Variants in PPP4R4 observed in about 807,000 individuals in gnomAD.
PPP4R4 encodes the protein protein phosphatase 4 regulatory subunit 4.
Under a neutral mutation model 121.8 loss-of-function variants are expected in PPP4R4, and 70 were observed. The ratio of observed to expected loss-of-function variants is 0.57; its 90% CI spans 0.47 to 0.70. The LOEUF is 0.70. Ranked by LOEUF, PPP4R4 falls within the 30% of genes least tolerant of loss-of-function variation. The probability of loss-of-function intolerance (pLI) is 0.00; values close to 1 mark genes in which losing one functional copy is unlikely to be tolerated. For synonymous variants in PPP4R4, 348 were observed against 355.7 expected (o/e 0.98, Z 0.24); for missense variants, 875 against 1,033.6 (o/e 0.85, Z 2.10).
chr14:94,273,468 A>C (rs1251989683), intron 23 of PPP4R4, among the ~76,000 whole-genome samples: 3 of 152,194 alleles, frequency 2.0e-5, no homozygotes, highest in Admixed American at 2.0e-4. Flanking sequence ...GGAAGGAGAA[A>C]TGAATAGATG....
chr14:94,190,815 A>G (rs1453704016), intron 2 of PPP4R4, among the ~76,000 whole-genome samples: 1 of 151,302 alleles, frequency 6.6e-6, no homozygotes, highest in Admixed American at 6.6e-5. Context: ...TTTAGGACAG[A>G]CTTTGATAAT....
intron 17 of PPP4R4, among the ~76,000 whole-genome samples, chr14:94,257,188 G>C (rs1893520155): frequency 6.6e-6 from 1 of 152,008 alleles, no homozygotes; most frequent in Admixed American, 6.5e-5. Context: ...TTTAGCATGA[G>C]ATCTTAGTAT....
At position 94,250,202 on chromosome 14, in the gene PPP4R4, C is replaced by G. The variant is rs906505403; in HGVS notation, c.1642C>G (p.Arg548Gly). 12 of 1,612,130 alleles carry G rather than the reference C, an allele frequency of 7.4e-6. No individual in the cohort carries two copies. Among genetic ancestry groups the G allele is most frequent in the Non-Finnish European group, 1.0e-5 (12 of 1,178,612 alleles). ...TTTACCTGTCCAAAAGGCGGCTTCA[C>G]GAACTCTATGCATTTTTCTGCGTTA... ...NVLPVQKAAS[R>G]TLCIFLRYNR... Residue 548 changes from arginine (R) to glycine (G), a missense_variant, in exon 15 of 25, where the codon CGA becomes GGA. Arg to Gly is a moderately radical substitution (Grantham distance 125). Transcript: ENST00000304338.
intron 2 of PPP4R4, among the ~76,000 whole-genome samples, chr14:94,189,066 T>C (rs923877821): frequency 6.6e-6 from 1 of 152,186 alleles, no homozygotes; most frequent in Non-Finnish European, 1.5e-5. Flanking sequence ...TTGACTTTTT[T>C]TCTCTTAGAG....
chr14:94,179,765 C>T (rs568194266), intron 2 of PPP4R4, among the ~76,000 whole-genome samples: 2 of 152,308 alleles, frequency 1.3e-5, no homozygotes, highest in South Asian at 4.1e-4. Flanking sequence ...CACTGATTTA[C>T]ATTCCTTAAC....
intron 3 of PPP4R4, among the ~76,000 whole-genome samples, chr14:94,228,938 G>T (rs1891867642): frequency 6.6e-6 from 1 of 152,144 alleles, no homozygotes. Flanking sequence ...ATCAGGGAAG[G>T]CCTCATTGAC....
chr14:94,197,752 T>G (rs1889961106), intron 2 of PPP4R4, among the ~76,000 whole-genome samples: 1 of 152,212 alleles, frequency 6.6e-6, no homozygotes, highest in African/African-American at 2.4e-5. Flanking sequence ...CAAAAACTGC[T>G]TTCTGCCACT....
chr14:94,271,464 C>T (rs1039865854), intron 23 of PPP4R4, among the ~76,000 whole-genome samples: 3 of 152,118 alleles, frequency 2.0e-5, no homozygotes, highest in African/African-American at 4.8e-5. Context: ...AACCCAACAC[C>T]TATTCATGAT....
chr14:94,215,249 G>A (rs770960097), intron 3 of PPP4R4, among the ~76,000 whole-genome samples: 8 of 152,034 alleles, frequency 5.3e-5, no homozygotes, highest in Non-Finnish European at 1.2e-4. Flanking sequence ...AAAATTCAGT[G>A]TTTATGAATA....
At chr14:94,271,790 A>G (rs1321619868) in intron 23 of PPP4R4, among the ~76,000 whole-genome samples, 1 of 152,246 alleles carries the variant, frequency 6.6e-6, no homozygotes, top group Non-Finnish European at 1.5e-5. Flanking sequence ...GATTATGGCA[A>G]GGTTGCAGAA....
At chr14:94,245,492 A>T in intron 12 of PPP4R4, 95 bp from the exon 13 acceptor site, 1 of 587,374 alleles carries the variant, frequency 1.7e-6, no homozygotes, top group Non-Finnish European at 2.8e-6. Flanking sequence ...GGGGAAAAAA[A>T]AAAACCACTA....
At chr14:94,257,652 C>CACACACAT (rs1167090079) in intron 17 of PPP4R4, among the ~76,000 whole-genome samples, 5 of 151,338 alleles carry the variant, frequency 3.3e-5, no homozygotes, top group Non-Finnish European at 5.9e-5. Flanking sequence ...TACACACACA[C>CACACACAT]ACACACACAC....
chr14:94,226,654 C>G (rs1891721484), intron 3 of PPP4R4, among the ~76,000 whole-genome samples: 1 of 152,042 alleles, frequency 6.6e-6, no homozygotes, highest in Non-Finnish European at 1.5e-5. Flanking sequence ...ACTAAAACCT[C>G]CCACATTTAT....
chr14:94,250,383 A>G (rs1362142792), intron 15 of PPP4R4, 106 bp downstream of exon 15: 1 of 696,202 alleles, frequency 1.4e-6, no homozygotes, highest in Non-Finnish European at 2.4e-6. Context: ...TTAGGTTACT[A>G]TTGGGTTTTA....
chr14:94,234,613 A>G lies in PPP4R4; in HGVS notation c.675A>G (p.Glu225=), dbSNP rs757774294. ...TAAAATCACTCTGTCAAGATGTAGAATATGAAGTTCGATCTTGTATGTGTC... is the reference window on the plus strand; with the variant it reads ...TAAAATCACTCTGTCAAGATGTAGAGTATGAAGTTCGATCTTGTATGTGTC... The part of the protein sequence containing the change: ...PLVKSLCQDV[E]YEVRSCMCRQ... Residue 225 remains glutamate, a synonymous_variant, in exon 7 of 25, where the codon GAA becomes GAG. Transcript: ENST00000304338. 1.2e-6 allele frequency: 2 copies of G among 1,610,314 alleles called. No individual in the cohort carries two copies. The highest frequency in any genetic ancestry group is 1.1e-5 in the South Asian group (1 of 90,940).
At chr14:94,242,120 C>T (rs763945067) in intron 10 of PPP4R4, among the ~76,000 whole-genome samples, 163 bp downstream of exon 10, 13 of 151,918 alleles carry the variant, frequency 8.6e-5, no homozygotes, top group South Asian at 2.1e-4. Context: ...TATATCTCTA[C>T]GTATAAATCA....
At chr14:94,257,642 T>TGCACACACAC (rs10528485) in intron 17 of PPP4R4, among the ~76,000 whole-genome samples, 37 of 146,982 alleles carry the variant, frequency 2.5e-4, no homozygotes, top group Admixed American at 2.0e-3. Context: ...CATTTAAATC[T>TGCACACACAC]ACACACACAC....
At chr14:94,251,961 T>C (rs1305921729) in intron 16 of PPP4R4, 65 bp downstream of exon 16, 2 of 1,360,418 alleles carry the variant, frequency 1.5e-6, no homozygotes, top group African/African-American at 1.5e-5. Context: ...AGTGAACATA[T>C]GCAAAATCTT....
intron 16 of PPP4R4, among the ~76,000 whole-genome samples, chr14:94,254,774 T>C (rs1195007311): frequency 6.6e-6 from 1 of 152,228 alleles, no homozygotes; most frequent in East Asian, 1.9e-4. Context: ...GAGTAGACTT[T>C]TAGCTTAGCA....
Sources: gnomAD v4.1 joint callset for allele counts (sites outside exome capture counted in the v4.1 genomes callset) on GRCh38, gnomAD v4.1.1 for gene constraint, MANE v1.5 for transcripts, NCBI Gene and HGNC (gene_info 2026-07-23, HGNC 2026-07-21) for gene names.